RPS6KA5: variants seen among roughly 807,000 people sequenced by gnomAD.
RPS6KA5 encodes the protein ribosomal protein S6 kinase alpha-5.
In RPS6KA5, 27 loss-of-function variants were observed where a neutral mutation model predicts 85.5. That is an observed-to-expected ratio of 0.32 (90% confidence interval 0.23 to 0.44). The LOEUF is 0.44. RPS6KA5 is among the 20% of genes least tolerant of loss of function. The pLI is 1.00. For synonymous variants in RPS6KA5, 334 were observed against 348.2 expected (o/e 0.96, Z 0.46); for missense variants, 811 against 980.9 (o/e 0.83, Z 2.31).
At chr14:90,986,451 T>TA (rs113517523) in intron 2 of RPS6KA5, among the ~76,000 whole-genome samples, 105 of 145,054 alleles carry the variant, frequency 7.2e-4, no homozygotes, top group African/African-American at 1.1e-3. Flanking sequence ...AGCATCTTAC[T>TA]AAAAAAAAAA....
chr14:91,008,550 G>A (rs1390831086), intron 1 of RPS6KA5, among the ~76,000 whole-genome samples: 1 of 152,278 alleles, frequency 6.6e-6, no homozygotes, highest in East Asian at 1.9e-4. Context: ...TAGCTAAGAA[G>A]TACAGGATTT....
chr14:91,020,540 G>C lies in RPS6KA5; in HGVS notation c.104-19381C>G, dbSNP rs1388232743. ...TATGGATGCTAAGGAATGACTGTGT[G>C]TGTGTGTGTGTGTGTGTGTGTGTGT... is the stretch of plus-strand genomic sequence containing the variant. On this transcript the variant is annotated intron_variant, in intron 1 of 16. Transcript: ENST00000614987. 3.4e-3 allele frequency among the ~76,000 whole-genome samples: 107 copies of C among 31,666 alleles called. 1 individual carries two copies. Among genetic ancestry groups the C allele is most frequent in the Non-Finnish European group, 6.2e-3 (80 of 12,974 alleles). The allele number at this position is 31,666 out of a possible 152,430, so 20.8% of individuals were successfully genotyped here.
chr14:90,950,352 G>C (rs1225481945), intron 3 of RPS6KA5, among the ~76,000 whole-genome samples: 1 of 152,150 alleles, frequency 6.6e-6, no homozygotes, highest in African/African-American at 2.4e-5. Context: ...CTATTTATAA[G>C]ATGTCATCTT....
Position 90,851,342 on chromosome 14 carries a change from A to G in RPS6KA5, c.*20732T>C, listed in dbSNP as rs1233870335. On this transcript the variant is annotated 3_prime_UTR_variant, in exon 17 of 17. Coordinates refer to ENST00000614987, the MANE Select transcript of RPS6KA5 (RefSeq NM_004755.4). ...AGTGAGCCACCGCACCTGGCCTGGT[A>G]AAGATACTTTTAAAATTAAATTGCT... 2 of 152,208 alleles carry G rather than the reference A, an allele frequency of 1.3e-5. No individual in the cohort carries two copies. Among genetic ancestry groups the G allele is most frequent in the African/African-American group, 4.8e-5 (2 of 41,462 alleles). 9.4% of individuals were successfully genotyped at this position (152,208 alleles called of 1,614,324 possible). A position where few individuals can be genotyped will look rare whatever the true frequency, so the allele number is the denominator to read the frequency against.
At chr14:91,008,871 G>GA (rs1380079601) in intron 1 of RPS6KA5, among the ~76,000 whole-genome samples, 68 of 152,240 alleles carry the variant, frequency 4.5e-4, no homozygotes, top group African/African-American at 1.6e-3. Context: ...TAGAAGCAAG[G>GA]AAAAATGATT....
Position 90,853,113 on chromosome 14 carries a change from G to T in RPS6KA5, c.*18961C>A, listed in dbSNP as rs778295556. ...AGCAAAAAGAGTGAATGTGTTTGCC[G>T]TTCTATAAATAAAATGAGTTCACTA... On this transcript the variant is annotated 3_prime_UTR_variant, in exon 17 of 17. Coordinates refer to ENST00000614987, the MANE Select transcript of RPS6KA5 (RefSeq NM_004755.4). 1 of 151,618 alleles carries T rather than the reference G, an allele frequency of 6.6e-6. No homozygotes were observed. The highest frequency in any genetic ancestry group is 1.5e-5 in the Non-Finnish European group (1 of 68,010). 9.4% of individuals were successfully genotyped at this position (151,618 alleles called of 1,614,324 possible). A position where few individuals can be genotyped will look rare whatever the true frequency, so the allele number is the denominator to read the frequency against.
At chr14:90,889,390 G>T (rs530245571) in intron 14 of RPS6KA5, among the ~76,000 whole-genome samples, 3 of 146,190 alleles carry the variant, frequency 2.1e-5, no homozygotes, top group Admixed American at 6.9e-5. Context: ...ATTCATCAAA[G>T]AAACACATGC....
At chr14:90,975,968 A>T (rs1263088371) in intron 3 of RPS6KA5, among the ~76,000 whole-genome samples, 1 of 152,144 alleles carries the variant, frequency 6.6e-6, no homozygotes, top group Non-Finnish European at 1.5e-5. Flanking sequence ...GACTTAGCAT[A>T]AAAAAATGGG....
intron 1 of RPS6KA5, among the ~76,000 whole-genome samples, chr14:91,016,063 G>T (rs1051316818): frequency 1.3e-5 from 2 of 152,102 alleles, no homozygotes; most frequent in African/African-American, 4.8e-5. Flanking sequence ...GTGCAGCCCT[G>T]GTGTCCCCTC....
chr14:90,944,165 A>G (rs1595288732), intron 4 of RPS6KA5, among the ~76,000 whole-genome samples: 2 of 152,384 alleles, frequency 1.3e-5, no homozygotes, highest in East Asian at 3.8e-4. Context: ...TCCAACTCAT[A>G]TAAGAGGTGC....
chr14:90,880,816 T>C (rs2033787557), intron 14 of RPS6KA5, among the ~76,000 whole-genome samples: 1 of 151,976 alleles, frequency 6.6e-6, no homozygotes, highest in Admixed American at 6.6e-5. Flanking sequence ...TCTGACCCTC[T>C]TTGTCTTTTG....
intron 2 of RPS6KA5, among the ~76,000 whole-genome samples, chr14:90,982,874 G>A (rs1163477292): frequency 6.6e-6 from 1 of 152,226 alleles, no homozygotes; most frequent in African/African-American, 2.4e-5. Flanking sequence ...AGCACTTTGG[G>A]AGGCCGAGGC....
chr14:91,012,207 C>G (rs1735071356), intron 1 of RPS6KA5, among the ~76,000 whole-genome samples: 1 of 152,150 alleles, frequency 6.6e-6, no homozygotes, highest in African/African-American at 2.4e-5. Context: ...AGTCCTAGCC[C>G]TTATTCCCTA....
chr14:90,930,622 T>C (rs1409806673), intron 5 of RPS6KA5, among the ~76,000 whole-genome samples: 2 of 152,060 alleles, frequency 1.3e-5, no homozygotes, highest in Non-Finnish European at 2.9e-5. Flanking sequence ...GAGAAAATAT[T>C]TGCAAATCAT....
intron 14 of RPS6KA5, among the ~76,000 whole-genome samples, chr14:90,875,796 G>A (rs965580539): frequency 6.0e-5 from 9 of 149,426 alleles, no homozygotes; most frequent in East Asian, 2.0e-4. Context: ...GCAAACTATC[G>A]CAAGGACAAA....
chr14:90,951,447 C>T (rs1462262613), intron 3 of RPS6KA5, among the ~76,000 whole-genome samples: 3 of 152,002 alleles, frequency 2.0e-5, no homozygotes, highest in African/African-American at 7.2e-5. Flanking sequence ...TGCACTCCAG[C>T]CTGGGCGACA....
rs893692177 is a variant in RPS6KA5 at position 90,861,831 on chromosome 14, G to A, written c.*10243C>T. 5 of 149,990 alleles carry A rather than the reference G, an allele frequency of 3.3e-5. No homozygotes were observed. Among genetic ancestry groups the A allele is most frequent in the African/African-American group, 1.2e-4 (5 of 40,684 alleles). 9.3% of individuals were successfully genotyped at this position (149,990 alleles called of 1,614,324 possible). On this transcript the variant is annotated 3_prime_UTR_variant, in exon 17 of 17. Coordinates refer to ENST00000614987, the MANE Select transcript of RPS6KA5 (RefSeq NM_004755.4). ...GAGAATCGCTTGAACCAGGGAATCAGAGGTTGCAGTGAGCCAAGATCGTGC... is the reference window on the plus strand; with the variant it reads ...GAGAATCGCTTGAACCAGGGAATCAAAGGTTGCAGTGAGCCAAGATCGTGC...
chr14:90,991,478 G>A (rs1264320853), intron 2 of RPS6KA5, among the ~76,000 whole-genome samples: 1 of 152,068 alleles, frequency 6.6e-6, no homozygotes, highest in Non-Finnish European at 1.5e-5. Flanking sequence ...GAGGCAGGTG[G>A]GTCACTTGAG....
rs541727578 is a variant in RPS6KA5 at position 90,936,706 on chromosome 14, C to T, written c.618+6372G>A. Among the ~76,000 whole-genome samples, 32 of 152,132 alleles carry T rather than the reference C, an allele frequency of 2.1e-4. 1 individual carries two copies. The Middle Eastern group carries it at 0.014, about 65-fold the overall frequency. On this transcript the variant is annotated intron_variant, in intron 5 of 16. Transcript: ENST00000614987. ...CAATACCTGGCAATGGTAAGTACTC[C>T]AAGATTTTTTGAATTACTAAATTAA...
Sources: gnomAD v4.1 joint callset for allele counts (sites outside exome capture counted in the v4.1 genomes callset) on GRCh38, gnomAD v4.1.1 for gene constraint, MANE v1.5 for transcripts, NCBI Gene and HGNC (gene_info 2026-07-23, HGNC 2026-07-21) for gene names.